The following DHRS12 variants were observed in gnomAD, a reference collection of about 807,000 sequenced individuals.
The protein encoded by DHRS12 is dehydrogenase/reductase 12.
DHRS12 carries 29 observed loss-of-function variants against 32.1 expected under a neutral mutation model. The observed-to-expected ratio is 0.90, with a 90% CI of 0.67 to 1.23. The LOEUF (loss-of-function observed/expected upper bound fraction) is 1.23, where lower values mean the gene tolerates loss of function less well. Ranked by LOEUF, DHRS12 falls within the 50% of genes most tolerant of loss-of-function variation. DHRS12 has a pLI of 0.00. For missense variants in DHRS12, 330 were observed against 337.2 expected (o/e 0.98, Z 0.17); for synonymous variants, 150 against 135.9 (o/e 1.10, Z -0.72).
At chr13:51,769,932 C>T (rs1019228369) in intron 7 of DHRS12, among the ~76,000 whole-genome samples, 1 of 152,330 alleles carries the variant, frequency 6.6e-6, no homozygotes, top group East Asian at 1.9e-4. Context: ...CCCAGCCACA[C>T]GCTCTGGCTC....
chr13:51,790,767 T>C (rs1206057704), intron 3 of DHRS12, among the ~76,000 whole-genome samples: 1 of 152,188 alleles, frequency 6.6e-6, no homozygotes, highest in Non-Finnish European at 1.5e-5. Context: ...AGGCTCTCCA[T>C]GGAGTTTTGT....
intron 4 of DHRS12, among the ~76,000 whole-genome samples, chr13:51,777,637 T>G (rs1954500605): frequency 6.6e-6 from 1 of 152,190 alleles, no homozygotes; most frequent in African/African-American, 2.4e-5. Flanking sequence ...TCTAATGGAA[T>G]GAGAAAAACA....
chr13:51,768,386 C>T (rs1953848835), intron 8 of DHRS12, 90 bp from the exon 9 acceptor site: 6 of 1,515,336 alleles, frequency 4.0e-6, no homozygotes, highest in Non-Finnish European at 5.3e-6. Context: ...TGAACCGACG[C>T]CTGCTGGAGT....
intron 1 of DHRS12, among the ~76,000 whole-genome samples, chr13:51,800,090 G>T (rs1955684223): frequency 6.6e-6 from 1 of 152,130 alleles, no homozygotes; most frequent in Non-Finnish European, 1.5e-5. Flanking sequence ...GGAGAAACGG[G>T]GGAGATTTGC....
intron 3 of DHRS12, 72 bp from the exon 4 acceptor site, chr13:51,790,164 C>T: frequency 8.9e-7 from 1 of 1,128,988 alleles, no homozygotes; most frequent in Non-Finnish European, 1.3e-6. Flanking sequence ...CCCCACACCT[C>T]CACTACCCCA....
At chr13:51,791,567 CTTT>C (rs1955273376) in intron 2 of DHRS12, among the ~76,000 whole-genome samples, 2 of 152,052 alleles carry the variant, frequency 1.3e-5, no homozygotes, top group African/African-American at 4.8e-5. Context: ...AACAATATGT[CTTT>C]TAGTTTTTGG....
Position 51,782,631 on chromosome 13 carries a change from G to A in DHRS12, c.302-5510C>T, listed in dbSNP as rs1158707129. Among the ~76,000 whole-genome samples, 1 of 152,152 alleles carries A rather than the reference G, an allele frequency of 6.6e-6. No individual in the cohort carries two copies. The highest frequency in any genetic ancestry group is 1.5e-5 in the Non-Finnish European group (1 of 68,038). On this transcript the variant is annotated intron_variant, in intron 4 of 8. Transcript: ENST00000444610. This position sits in a 1 kb window ranked among gnomAD's most constrained non-coding sequence, Gnocchi z 4.2. The stretch of plus-strand genomic sequence containing the variant: ...GAGAGGCTGGTGGAGGAAGTGCTGT[G>A]CAGGCTTTTCTCCAGGGCCTAGCCA...
chr13:51,757,180 C>G, the DHRS12 span, among the ~76,000 whole-genome samples: 1 of 152,126 alleles, frequency 6.6e-6, no homozygotes, highest in Non-Finnish European at 1.5e-5. Context: ...TTATCCATAT[C>G]AAATATAAAA....
intron 8 of DHRS12, 160 bp downstream of exon 8, chr13:51,768,996 T>A: frequency 7.0e-7 from 1 of 1,423,360 alleles, no homozygotes; most frequent in Non-Finnish European, 9.2e-7. Context: ...TTCCCAAAAC[T>A]AACCTCAGCA....
At chr13:51,794,795 T>A (rs535016914) in intron 2 of DHRS12, among the ~76,000 whole-genome samples, 2 of 145,974 alleles carry the variant, frequency 1.4e-5, no homozygotes, top group Non-Finnish European at 3.1e-5. Flanking sequence ...AATAGAAGTT[T>A]TTTTTTTTTT....
the DHRS12 span, chr13:51,759,687 G>A: frequency 1.3e-6 from 2 of 1,596,184 alleles, no homozygotes; most frequent in Non-Finnish European, 1.7e-6. Flanking sequence ...TCTAAGGACT[G>A]TTATCCTCAA....
At chr13:51,784,588 C>T (rs1954866499) in intron 4 of DHRS12, among the ~76,000 whole-genome samples, 1 of 152,182 alleles carries the variant, frequency 6.6e-6, no homozygotes. Flanking sequence ...TGCTACTTCC[C>T]AGGCTCTGTG....
the DHRS12 span, chr13:51,756,292 G>C: frequency 6.3e-7 from 1 of 1,584,354 alleles, no homozygotes. Flanking sequence ...CAGGAGCTGA[G>C]GGAGCCGTGA....
the DHRS12 span, chr13:51,758,219 C>T: frequency 1.3e-5 from 21 of 1,590,616 alleles, no homozygotes; most frequent in Non-Finnish European, 2.6e-6. Context: ...CCTTCCATGA[C>T]AGTAAACATA....
At chr13:51,803,809 G>C in intron 1 of DHRS12, 1 of 335,134 alleles carries the variant, frequency 3.0e-6, no homozygotes, top group Non-Finnish European at 5.3e-6. Flanking sequence ...GGGCTTGGGC[G>C]CGCCACAGCC....
At chr13:51,763,368 T>C (rs1216753168), downstream of DHRS12, 1 of 152,140 alleles carries the variant, frequency 6.6e-6, no homozygotes, top group Non-Finnish European at 1.5e-5. Context: ...TACATTCCCC[T>C]CAGACCACCC....
downstream of DHRS12, chr13:51,763,002 A>G (rs530999691): frequency 2.6e-5 from 4 of 152,330 alleles, no homozygotes; most frequent in East Asian, 1.9e-4. Context: ...TCAATCCACC[A>G]TAACGTGTTT....
downstream of DHRS12, chr13:51,763,470 T>C (rs921155936): frequency 2.0e-5 from 3 of 152,238 alleles, no homozygotes; most frequent in African/African-American, 7.2e-5. Context: ...ACTGCCCTTA[T>C]GGAATATCAC....
chr13:51,769,101 C>A, intron 8 of DHRS12, 55 bp downstream of exon 8: 1 of 1,547,220 alleles, frequency 6.5e-7, no homozygotes, highest in South Asian at 1.2e-5. Context: ...CTCGAAGGCC[C>A]AGCTGCTGCC....
Sources: gnomAD v4.1 joint callset for allele counts (sites outside exome capture counted in the v4.1 genomes callset) on GRCh38, gnomAD v4.1.1 for gene constraint, Gnocchi (gnomAD v3.1) non-coding constraint, MANE v1.5 for transcripts, NCBI Gene and HGNC (gene_info 2026-07-23, HGNC 2026-07-21) for gene names.